Variants in CDH18 observed in about 807,000 individuals in gnomAD.
CDH18 encodes the protein cadherin 18.
CDH18 carries 31 observed loss-of-function variants against 67.9 expected under a neutral mutation model. That is an observed-to-expected ratio of 0.46 (90% confidence interval 0.34 to 0.62). The LOEUF (loss-of-function observed/expected upper bound fraction) is 0.62. CDH18 is among the 20% of genes least tolerant of loss of function. The pLI is 0.01. For synonymous variants in CDH18, 362 were observed against 347.2 expected (o/e 1.04, Z -0.48); for missense variants, 890 against 975.5 (o/e 0.91, Z 1.17).
intron 2 of CDH18, among the ~76,000 whole-genome samples, chr5:19,955,463 A>C (rs1204473381): frequency 6.6e-6 from 1 of 152,096 alleles, no homozygotes; most frequent in Non-Finnish European, 1.5e-5. Context: ...ATGAATTTAA[A>C]TTTTATTCCC....
At chr5:20,159,737 T>G (rs1031236855) in intron 2 of CDH18, among the ~76,000 whole-genome samples, 1 of 152,154 alleles carries the variant, frequency 6.6e-6, no homozygotes, top group Non-Finnish European at 1.5e-5. Context: ...AGTTTAACGG[T>G]CTTTAAGCAT....
intron 8 of CDH18, among the ~76,000 whole-genome samples, chr5:19,560,063 A>C (rs1298432862): frequency 6.6e-6 from 1 of 152,136 alleles, no homozygotes; most frequent in Non-Finnish European, 1.5e-5. Context: ...GGAGTCAATC[A>C]ATATTGTAAA....
At chr5:20,400,851 C>T (rs900471947) in intron 1 of CDH18, among the ~76,000 whole-genome samples, 2 of 151,894 alleles carry the variant, frequency 1.3e-5, no homozygotes, top group Admixed American at 1.3e-4. Context: ...AAATAAAAAC[C>T]AACCAACCAA....
intron 5 of CDH18, among the ~76,000 whole-genome samples, chr5:19,669,087 T>C (rs1244098931): frequency 6.8e-6 from 1 of 147,870 alleles, no homozygotes; most frequent in East Asian, 1.9e-4. Context: ...TACTTCCAAC[T>C]TGATTTGTAC....
intron 3 of CDH18, among the ~76,000 whole-genome samples, chr5:19,771,455 T>A (rs987953956): frequency 2.6e-5 from 4 of 152,192 alleles, no homozygotes; most frequent in African/African-American, 7.2e-5. Flanking sequence ...ACAGCCAACA[T>A]GAACCTGAGG....
chr5:19,979,299 A>G (rs577571703), intron 2 of CDH18, among the ~76,000 whole-genome samples: 1 of 151,910 alleles, frequency 6.6e-6, no homozygotes, highest in South Asian at 2.1e-4. Context: ...TTTAATTCGT[A>G]TGAACAATGC....
At chr5:19,717,410 G>A (rs912488583) in intron 5 of CDH18, among the ~76,000 whole-genome samples, 10 of 21,300 alleles carry the variant, frequency 4.7e-4, no homozygotes, top group African/African-American at 4.7e-4. Context: ...TAAGGAAATG[G>A]AAAGTTTCCA....
rs532878095 is a variant in CDH18 at position 19,877,511 on chromosome 5, T to C, written c.-256-38269A>G. On this transcript the variant is annotated intron_variant, in intron 2 of 12. Coordinates refer to ENST00000382275, the MANE Select transcript of CDH18 (RefSeq NM_004934.5). ...GGGGCTAGTTACATACTTCACAGCA[T>C]GTGCACATGAAAGAATTCAGTGTAG... is the stretch of plus-strand genomic sequence containing the variant. Among the ~76,000 whole-genome samples, 76 of 152,304 alleles carry C rather than the reference T, an allele frequency of 5.0e-4. No homozygotes were observed. The South Asian group carries it at 0.014, about 29-fold the overall frequency.
In CDH18 at chr5:19,706,701, G is replaced by C. The variant is rs373896377; in HGVS notation, c.643+14646C>G. On this transcript the variant is annotated intron_variant, in intron 5 of 12. Coordinates refer to ENST00000382275, the MANE Select transcript of CDH18 (RefSeq NM_004934.5). ...TTCTATTAAAACAGACAATGCCCCAGGCTATACTAGCCAAATTCCAGCTAC... is the reference window on the plus strand; with the variant it reads ...TTCTATTAAAACAGACAATGCCCCACGCTATACTAGCCAAATTCCAGCTAC... 2.0e-5 allele frequency among the ~76,000 whole-genome samples: 3 copies of C among 152,134 alleles called. No individual in the cohort carries two copies. In the East Asian group the frequency reaches 5.8e-4, roughly 29 times the overall value.
At chr5:20,561,851 G>T (rs954315983) in intron 1 of CDH18, among the ~76,000 whole-genome samples, 5 of 151,612 alleles carry the variant, frequency 3.3e-5, no homozygotes, top group Non-Finnish European at 7.4e-5. Context: ...TTTTCACCTC[G>T]TAATGTCTTC....
At chr5:19,598,474 GAATA>G (rs1746523162) in intron 6 of CDH18, among the ~76,000 whole-genome samples, 2 of 151,718 alleles carry the variant, frequency 1.3e-5, no homozygotes, top group South Asian at 4.1e-4. Context: ...AATGAAAAAA[GAATA>G]AATTGTTTAA....
In CDH18 at chr5:20,136,868, G is replaced by A. The variant is rs190709263; in HGVS notation, c.-518+118576C>T. Among the ~76,000 whole-genome samples the A allele has an allele frequency of 7.2e-5, 11 of 152,240 alleles. No individual in the cohort carries two copies. The South Asian group carries it at 8.3e-4, about 11-fold the overall frequency. ...TATGAAGCTTAGTTTGGTTGGATAC[G>A]AAATTCAGGGTTAAAAATTCTTTTC... On this transcript the variant is annotated intron_variant, in intron 2 of 14. Coordinates refer to the CDH18 transcript ENST00000507958.
At chr5:20,006,753 T>A (rs1332124764) in intron 2 of CDH18, among the ~76,000 whole-genome samples, 1 of 152,010 alleles carries the variant, frequency 6.6e-6, no homozygotes, top group African/African-American at 2.4e-5. Flanking sequence ...AGCTTCTCTA[T>A]GCATGTTAAA....
chr5:20,480,483 T>A (rs544116833), intron 1 of CDH18, among the ~76,000 whole-genome samples: 2 of 152,260 alleles, frequency 1.3e-5, no homozygotes, highest in South Asian at 4.1e-4. Context: ...AATGGGGTGA[T>A]CCTAGCTCAC....
chr5:19,706,072 G>T (rs1046328469), intron 5 of CDH18, among the ~76,000 whole-genome samples: 3 of 152,084 alleles, frequency 2.0e-5, no homozygotes, highest in African/African-American at 7.2e-5. Context: ...TGTAATTGAG[G>T]TATTGACTGC....
chr5:19,974,757 TTGTCAC>T (rs1005672909), intron 2 of CDH18, among the ~76,000 whole-genome samples: 5 of 152,052 alleles, frequency 3.3e-5, no homozygotes, highest in Non-Finnish European at 7.4e-5. Context: ...GGAAGTGAGC[TTGTCAC>T]TGTCCCGTTG....
chr5:20,086,291 T>C (rs529975250), intron 2 of CDH18, among the ~76,000 whole-genome samples: 261 of 152,298 alleles, frequency 1.7e-3, no homozygotes, highest in African/African-American at 5.7e-3. Flanking sequence ...TTAGAAATCA[T>C]TGGTTCATGA....
intron 1 of CDH18, among the ~76,000 whole-genome samples, chr5:20,256,972 A>ATCTAATC (rs374238378): frequency 7.1e-6 from 1 of 141,312 alleles, no homozygotes; most frequent in African/African-American, 2.7e-5. Context: ...TAATCTATCT[A>ATCTAATC]TATCTATATC....
chr5:20,458,480 C>T (rs1050977265), intron 1 of CDH18, among the ~76,000 whole-genome samples: 4 of 151,862 alleles, frequency 2.6e-5, no homozygotes, highest in Non-Finnish European at 4.4e-5. Flanking sequence ...TAGCTGGGCG[C>T]GGTGGCACGT....
Sources: gnomAD v4.1 joint callset for allele counts (sites outside exome capture counted in the v4.1 genomes callset) on GRCh38, gnomAD v4.1.1 for gene constraint, MANE v1.5 for transcripts, NCBI Gene and HGNC (gene_info 2026-07-23, HGNC 2026-07-21) for gene names.